BCL2: variants seen among roughly 807,000 people sequenced by gnomAD.
BCL2 encodes the protein apoptosis regulator Bcl-2.
Under a neutral mutation model 14.2 loss-of-function variants are expected in BCL2, and 1 was observed. The observed-to-expected ratio is 0.07, with a 90% CI of 0.02 to 0.33. The LOEUF is 0.33. Among genes scored for constraint, BCL2 ranks in the 10% least tolerant of loss-of-function variants. The pLI, the probability that BCL2 is intolerant of heterozygous loss-of-function variation, is 0.99. For synonymous variants in BCL2, 151 were observed against 137.2 expected, an observed-to-expected ratio of 1.10 and a Z score of -0.70; for missense variants, 247 against 305.9, an observed-to-expected ratio of 0.81 and a Z score of 1.44.
At chr18:63,240,283 C>G (rs1374049329) in intron 2 of BCL2, among the ~76,000 whole-genome samples, 1 of 152,164 alleles carries the variant, frequency 6.6e-6, no homozygotes, top group Non-Finnish European at 1.5e-5. Context: ...GCCACTGCAC[C>G]CAGCCTATCT....
At position 63,134,706 on chromosome 18, in the gene BCL2, G is replaced by A. The variant is rs558201014; in HGVS notation, c.586-5947C>T. Among the ~76,000 whole-genome samples the A allele has an allele frequency of 5.3e-5, 8 of 152,354 alleles. No individual in the cohort carries two copies. The East Asian group carries it at 1.5e-3, about 29-fold the overall frequency. ...CCAAAGAGCTTACACTCTAGAGAGA[G>A]GTAATGCCTCTATGTGCACATTTGA... is the stretch of plus-strand genomic sequence containing the variant. On this transcript the variant is annotated intron_variant, in intron 2 of 2. Transcript: ENST00000333681.
chr18:63,240,295 G>C (rs764751599), intron 2 of BCL2, among the ~76,000 whole-genome samples: 3 of 151,976 alleles, frequency 2.0e-5, no homozygotes, highest in Non-Finnish European at 4.4e-5. Context: ...AGCCTATCTT[G>C]TTTTTATAGT....
rs1018426756 is a variant in BCL2, at chr18:63,126,981, A to G, written c.*1644T>C. 3.1e-5 allele frequency: 7 copies of G among 226,574 alleles called. No homozygotes were observed. In the Admixed American group the frequency reaches 3.4e-4, roughly 11 times the overall value. 14.0% of individuals were successfully genotyped at this position (226,574 alleles called of 1,614,324 possible). Reference sequence around the variant, plus strand: ...GGAAGAAAAAAAAATTTCCTAGTTTATTTGCTGAAGATGTCACTTCTTTTG... The same window carrying G: ...GGAAGAAAAAAAAATTTCCTAGTTTGTTTGCTGAAGATGTCACTTCTTTTG... On this transcript the variant is annotated 3_prime_UTR_variant, in exon 3 of 3. Coordinates refer to ENST00000333681, the MANE Select transcript of BCL2 (RefSeq NM_000633.3).
chr18:63,169,770 G>T (rs545197494), intron 2 of BCL2, among the ~76,000 whole-genome samples: 1 of 151,870 alleles, frequency 6.6e-6, no homozygotes, highest in Non-Finnish European at 1.5e-5. Context: ...TGATCCACCC[G>T]CCTCGGCCTC....
At chr18:63,310,054 G>C (rs549996768) in intron 2 of BCL2, among the ~76,000 whole-genome samples, 2 of 151,948 alleles carry the variant, frequency 1.3e-5, no homozygotes, top group African/African-American at 2.4e-5. Context: ...GTAGAGAAAG[G>C]GTTTCACCAT....
At chr18:63,174,801 C>T (rs922242627) in intron 2 of BCL2, among the ~76,000 whole-genome samples, 3 of 91,394 alleles carry the variant, frequency 3.3e-5, no homozygotes, top group Non-Finnish European at 6.1e-5. Flanking sequence ...GCATGGGGGA[C>T]AAGAGTGAGA....
chr18:63,192,751 A>G (rs1218533894), intron 2 of BCL2, among the ~76,000 whole-genome samples: 3 of 152,096 alleles, frequency 2.0e-5, no homozygotes, highest in Non-Finnish European at 2.9e-5. Flanking sequence ...CCCCTGCCCC[A>G]GCATCCAGAC....
chr18:63,170,865 T>G (rs1004915313), intron 2 of BCL2, among the ~76,000 whole-genome samples: 4 of 152,244 alleles, frequency 2.6e-5, no homozygotes, highest in Admixed American at 2.6e-4. Flanking sequence ...CATGGGTGAC[T>G]GTCAACAGTT....
At chr18:63,261,598 A>G (rs1194006739) in intron 2 of BCL2, among the ~76,000 whole-genome samples, 3 of 152,192 alleles carry the variant, frequency 2.0e-5, no homozygotes, top group Non-Finnish European at 1.5e-5. Context: ...TGAAACTCAC[A>G]TAGAAATAAA....
At chr18:63,167,737 C>A (rs529151318) in intron 2 of BCL2, among the ~76,000 whole-genome samples, 1 of 152,192 alleles carries the variant, frequency 6.6e-6, no homozygotes, top group African/African-American at 2.4e-5. Flanking sequence ...ACTATCCTGG[C>A]CAACATGGTG....
chr18:63,186,004 G>A (rs1402158270), intron 2 of BCL2, among the ~76,000 whole-genome samples: 1 of 152,202 alleles, frequency 6.6e-6, no homozygotes, highest in Non-Finnish European at 1.5e-5. Context: ...CTCACTCGTA[G>A]GGGAGTGGTT....
chr18:63,150,851 G>A (rs949384317), intron 2 of BCL2, among the ~76,000 whole-genome samples: 1 of 152,032 alleles, frequency 6.6e-6, no homozygotes, highest in South Asian at 2.1e-4. Flanking sequence ...CAGGTTTGGG[G>A]GTGAGAAGGG....
intron 2 of BCL2, among the ~76,000 whole-genome samples, chr18:63,256,221 A>C (rs1347959537): frequency 6.6e-6 from 1 of 152,138 alleles, no homozygotes; most frequent in Non-Finnish European, 1.5e-5. Flanking sequence ...TATGGAAAAA[A>C]ATTATTATTA....
intron 2 of BCL2, among the ~76,000 whole-genome samples, chr18:63,227,876 G>C (rs1022242283): frequency 6.6e-6 from 1 of 152,228 alleles, no homozygotes; most frequent in African/African-American, 2.4e-5. Context: ...ACTTGGTATA[G>C]TCATTAGACA....
chr18:63,231,558 T>A (rs1910688719), intron 2 of BCL2, among the ~76,000 whole-genome samples: 1 of 151,994 alleles, frequency 6.6e-6, no homozygotes, highest in Admixed American at 6.6e-5. Context: ...AACAACCAAT[T>A]AGAAAATGTA....
chr18:63,290,534 T>C (rs961389446), intron 2 of BCL2, among the ~76,000 whole-genome samples: 1 of 152,208 alleles, frequency 6.6e-6, no homozygotes, highest in Non-Finnish European at 1.5e-5. Context: ...CTGGTTTTTA[T>C]CTCGAGCTAA....
chr18:63,234,166 TTGC>T (rs1287044192), intron 2 of BCL2, among the ~76,000 whole-genome samples: 1 of 152,190 alleles, frequency 6.6e-6, no homozygotes, highest in Non-Finnish European at 1.5e-5. Flanking sequence ...CCATGGTGGT[TTGC>T]TGCACCTATC....
intron 2 of BCL2, among the ~76,000 whole-genome samples, chr18:63,141,618 A>G (rs1568214159): frequency 6.6e-6 from 1 of 152,234 alleles, no homozygotes; most frequent in Non-Finnish European, 1.5e-5. Flanking sequence ...ATTATATTCA[A>G]TACCGAACAG....
Position 63,123,615 on chromosome 18 carries a change from A to T in BCL2, c.*5010T>A, listed in dbSNP as rs544821608. On this transcript the variant is annotated 3_prime_UTR_variant, in exon 3 of 3. Coordinates refer to ENST00000333681, the MANE Select transcript of BCL2 (RefSeq NM_000633.3). ...AAAAGTATGAAAATCTTGATAACAA[A>T]AGCTTTCAATACAAAAACACTTATT... The T allele has an allele frequency of 4.4e-4, 94 of 211,400 alleles. No homozygotes were observed. Among genetic ancestry groups the T allele is most frequent in the African/African-American group, 2.0e-3 (90 of 44,174 alleles). 13.1% of individuals were successfully genotyped at this position (211,400 alleles called of 1,614,324 possible). A position where few individuals can be genotyped will look rare whatever the true frequency, so the allele number is the denominator to read the frequency against.
Sources: allele counts gnomAD v4.1 joint callset (sites outside exome capture counted in the v4.1 genomes callset), GRCh38; gene constraint gnomAD v4.1.1; transcripts MANE v1.5; gene names NCBI Gene and HGNC (gene_info 2026-07-23, HGNC 2026-07-21).